ABCA3: variants seen among roughly 807,000 people sequenced by gnomAD.
ABCA3 encodes the protein ATP binding cassette subfamily A member 3.
Under a neutral mutation model 172.8 loss-of-function variants are expected in ABCA3, and 88 were observed. The observed-to-expected ratio is 0.51, with a 90% CI of 0.43 to 0.61. The LOEUF is 0.61. ABCA3 is among the 20% of genes least tolerant of loss of function. The pLI, the probability that ABCA3 is intolerant of heterozygous loss-of-function variation, is 0.00. For missense variants in ABCA3, 2,164 were observed against 2,301.0 expected (o/e 0.94, Z 1.22); for synonymous variants, 1,066 against 983.8 (o/e 1.08, Z -1.56).
In ABCA3 at chr16:2,308,603, C is replaced by A. The variant is rs781600479; in HGVS notation, c.1132G>T (p.Gly378Ter). 2 of 1,613,920 alleles carry A rather than the reference C, an allele frequency of 1.2e-6. No individual in the cohort carries two copies. Among genetic ancestry groups the A allele is most frequent in the African/African-American group, 1.3e-5 (1 of 74,924 alleles). ...TAGGTGAAGAAGTAGAGGAAGCCTC[C>A]GAAGGCTGCTGCCATGTTGGCTGCA... Reference protein sequence around the residue: ...FSKANMAAAFGGFLYFFTYIP... With the variant: ...FSKANMAAAF Residue 378 changes from glycine (G) to a stop codon, truncating the protein, a stop_gained, in exon 11 of 33, where the codon GGA (glycine) becomes TGA (stop). Coordinates refer to ENST00000301732, the MANE Select transcript of ABCA3 (RefSeq NM_001089.3). LOFTEE classifies it high-confidence loss of function.
chr16:2,294,074 CAGGGGTGT>C (rs752452135), intron 18 of ABCA3, among the ~76,000 whole-genome samples: 41 of 150,738 alleles, frequency 2.7e-4, no homozygotes, highest in East Asian at 1.2e-3. Context: ...TGCAGGGGTG[CAGGGGTGT>C]GATTTCGGCT....
chr16:2,333,320 T>G (rs1473448272), intron 1 of ABCA3, among the ~76,000 whole-genome samples: 1 of 152,084 alleles, frequency 6.6e-6, no homozygotes, highest in African/African-American at 2.4e-5. Flanking sequence ...AATCCACTCA[T>G]GGAAAGAAGG....
chr16:2,318,591 C>T (rs2093720447), intron 8 of ABCA3, among the ~76,000 whole-genome samples: 1 of 151,658 alleles, frequency 6.6e-6, no homozygotes, highest in Non-Finnish European at 1.5e-5. Context: ...TGGCTCACTG[C>T]AACCTCCACC....
In ABCA3 at chr16:2,297,323, G is replaced by A. The variant is rs377151113; in HGVS notation, c.2263+6C>T. The A allele has an allele frequency of 2.6e-5, 42 of 1,609,192 alleles. No homozygotes were observed. The highest frequency in any genetic ancestry group is 3.2e-5 in the Non-Finnish European group (38 of 1,179,860). ...GACCCTGTCGCGGGCTGGCCCCACC[G>A]CTCACCGTATTTCTGCTTGAGGAAC... is the stretch of plus-strand genomic sequence containing the variant. On this transcript the variant is annotated splice_donor_region_variant and intron_variant, in intron 17 of 32. Transcript: ENST00000301732. This position sits in a 1 kb window ranked among gnomAD's most constrained non-coding sequence, Gnocchi z 5.6.
At position 2,312,574 on chromosome 16, in the gene ABCA3, G is replaced by A. The variant is rs371456198; in HGVS notation, c.1112-3951C>T. ...ATGAAGTTTCACTCTTGTTGCCCAG[G>A]CTGGAGTGCAATGGCACAGTCTCAG... On this transcript the variant is annotated intron_variant, in intron 10 of 32. Transcript: ENST00000301732. Among the ~76,000 whole-genome samples, 23 of 150,760 alleles carry A rather than the reference G, an allele frequency of 1.5e-4. No homozygotes were observed. The South Asian group carries it at 4.2e-3, about 27-fold the overall frequency.
Position 2,284,134 on chromosome 16 carries a change from G to T in ABCA3, c.3862+145C>A. 9.5e-7 allele frequency: 1 copy of T among 1,048,720 alleles called. No homozygotes were observed. Among genetic ancestry groups the T allele is most frequent in the Non-Finnish European group, 1.3e-6 (1 of 745,016 alleles). 65.0% of individuals were successfully genotyped at this position (1,048,720 alleles called of 1,614,324 possible). A position where few individuals can be genotyped will look rare whatever the true frequency, so the allele number is the denominator to read the frequency against. The stretch of plus-strand genomic sequence containing the variant: ...GAGCGGGCGCGAGGGGGCTGCTGTG[G>T]GAGGTGGGGCAAGGCGGTACAGAGG... On this transcript the variant is annotated intron_variant, in intron 25 of 32. Coordinates refer to ENST00000301732, the MANE Select transcript of ABCA3 (RefSeq NM_001089.3). The surrounding 1 kb of genome is among the most constrained non-coding windows in gnomAD (Gnocchi z 5.9).
Position 2,308,984 on chromosome 16 carries a change from C to T in ABCA3, c.1112-361G>A, listed in dbSNP as rs137947035. On this transcript the variant is annotated intron_variant, in intron 10 of 32. Coordinates refer to ENST00000301732, the MANE Select transcript of ABCA3 (RefSeq NM_001089.3). ...TTTTTGAGAAGGAGTCTTGCTCTGT[C>T]GCCCAGGCTGGAGTGCAGTGGCACG... Among the ~76,000 whole-genome samples the T allele has an allele frequency of 1.5e-4, 22 of 151,686 alleles. 1 individual carries two copies. The East Asian group carries it at 3.5e-3, about 24-fold the overall frequency.
Position 2,281,424 on chromosome 16 carries a change from T to TC in ABCA3, c.4120dup (p.Asp1374GlyfsTer77). ...AATCAGAGGTGTGTGGAGCAGGGAGTCCGGACTGGGGGCCAGGATGCGGGT... is the reference window on the plus strand; with the variant it reads ...AATCAGAGGTGTGTGGAGCAGGGAGTCCCGGACTGGGGGCCAGGATGCGGGT... On this transcript the variant is annotated frameshift_variant, in exon 27 of 33. Transcript: ENST00000301732. LOFTEE classifies it high-confidence loss of function. This position sits in a 1 kb window ranked among gnomAD's most constrained non-coding sequence, Gnocchi z 4.7. 1 of 1,613,500 alleles carries TC rather than the reference T, an allele frequency of 6.2e-7. No individual in the cohort carries two copies.
At chr16:2,298,665 C>T in intron 14 of ABCA3, 125 bp from the exon 15 acceptor site, 1 of 1,144,586 alleles carries the variant, frequency 8.7e-7, no homozygotes, top group Non-Finnish European at 1.2e-6. Context: ...CATGAGAGGG[C>T]ACGGAACCCC....
At position 2,304,026 on chromosome 16, in the gene ABCA3, C is replaced by T. The variant is rs1205465879; in HGVS notation, c.1410G>A (p.Met470Ile). 1 of 1,614,192 alleles carries T rather than the reference C, an allele frequency of 6.2e-7. No individual in the cohort carries two copies. Among genetic ancestry groups the T allele is most frequent in the South Asian group, 1.1e-5 (1 of 91,084 alleles). Residue 470 changes from methionine to isoleucine, a missense_variant, in exon 12 of 33, where the codon ATG (methionine) becomes ATA (isoleucine). This residue lies in a region of ABCA3 where 1,343 missense variants were observed against 1,369.6 expected (regional missense o/e 0.98). Coordinates refer to ENST00000301732, the MANE Select transcript of ABCA3 (RefSeq NM_001089.3). ...SVLYGLVTWY[M>I]EAVFPGQFGV... The stretch of plus-strand genomic sequence containing the variant: ...CGAACTGCCCTGGGAAGACGGCCTC[C>T]ATGTACCAGGTCACCAGGCCATAGA...
rs770631286 is a variant in ABCA3 at position 2,283,390 on chromosome 16, G to A, written c.3863-32C>T. ...GGCGAGGGAGTCACTGTGCCCCGAG[G>A]CCTGGGGCACCCTCCTCCCCTTCCA... is the stretch of plus-strand genomic sequence containing the variant. On this transcript the variant is annotated intron_variant, in intron 25 of 32. Transcript: ENST00000301732. The surrounding 1 kb of genome is among the most constrained non-coding windows in gnomAD (Gnocchi z 5.4). The A allele has an allele frequency of 8.7e-6, 14 of 1,606,006 alleles. No individual in the cohort carries two copies. The highest frequency in any genetic ancestry group is 1.7e-5 in the Admixed American group (1 of 59,816).
intron 7 of ABCA3, 160 bp downstream of exon 7, chr16:2,323,363 T>C (rs2093729031): frequency 1.1e-6 from 1 of 891,912 alleles, no homozygotes; most frequent in Non-Finnish European, 1.8e-6. Flanking sequence ...CACGTATGTT[T>C]ATTGCGGCAC....
intron 1 of ABCA3, among the ~76,000 whole-genome samples, chr16:2,331,763 C>A (rs530140209): frequency 6.6e-6 from 1 of 152,214 alleles, no homozygotes; most frequent in Non-Finnish European, 1.5e-5. Flanking sequence ...GGCCCAGGAC[C>A]GGCCCCGGCT....
intron 10 of ABCA3, among the ~76,000 whole-genome samples, chr16:2,312,593 G>C (rs2093708298): frequency 6.7e-6 from 1 of 150,172 alleles, no homozygotes; most frequent in South Asian, 2.1e-4. Context: ...CAATGGCACA[G>C]TCTCAGCCCA....
At chr16:2,311,130 C>G (rs2093706027) in intron 10 of ABCA3, among the ~76,000 whole-genome samples, 1 of 152,034 alleles carries the variant, frequency 6.6e-6, no homozygotes, top group Admixed American at 6.6e-5. Context: ...AGCGCCACCA[C>G]ACCCAGCTAA....
intron 14 of ABCA3, 86 bp downstream of exon 14, chr16:2,299,317 A>G (rs2093685178): frequency 1.3e-6 from 2 of 1,582,562 alleles, no homozygotes; most frequent in Admixed American, 3.4e-5. Context: ...CGAAAGCCCC[A>G]TTGAGGGAGT....
intron 7 of ABCA3, 118 bp from the exon 8 acceptor site, chr16:2,319,958 C>G: frequency 3.6e-6 from 5 of 1,401,060 alleles, no homozygotes; most frequent in Non-Finnish European, 4.9e-6. Context: ...GTGACTTCAG[C>G]TCAGGACCCC....
In ABCA3 at chr16:2,289,484, T is replaced by C. The variant is rs747102631; in HGVS notation, c.2650A>G (p.Ile884Val). Residue 884 changes from isoleucine to valine, a missense_variant, in exon 20 of 33, where the codon ATT becomes GTT. Ile to Val is a conservative substitution (Grantham distance 29, BLOSUM62 3). Coordinates refer to ENST00000301732, the MANE Select transcript of ABCA3 (RefSeq NM_001089.3). The stretch of plus-strand genomic sequence containing the variant: ...CGCTCCTCCTCGATGAGGGCTCCAA[T>C]GCCGTCGGAGGGGTCCATGGCCCCA... ...LCGAMDPSDG[I>V]GALIEEERTA... is the part of the protein sequence containing the mutation. 8.4e-5 allele frequency: 125 copies of C among 1,488,970 alleles called. 1 individual carries two copies. In the South Asian group the frequency reaches 1.4e-3, roughly 17 times the overall value. 92.2% of individuals were successfully genotyped at this position (1,488,970 alleles called of 1,614,324 possible). A position where few individuals can be genotyped will look rare whatever the true frequency, so the allele number is the denominator to read the frequency against.
chr16:2,276,848 C>T (rs750033527), intron 32 of ABCA3, 43 bp from the exon 33 acceptor site: 4 of 1,612,106 alleles, frequency 2.5e-6, no homozygotes, highest in Admixed American at 1.7e-5. Context: ...GAACAGGGCC[C>T]AGGCTCCTCT....
Sources: allele counts gnomAD v4.1 joint callset (sites outside exome capture counted in the v4.1 genomes callset), GRCh38; gene constraint gnomAD v4.1.1; regional missense constraint gnomAD v4.1.1; non-coding constraint Gnocchi (gnomAD v3.1); transcripts MANE v1.5; gene names NCBI Gene and HGNC (gene_info 2026-07-23, HGNC 2026-07-21).